The following GRM8 variants were observed in gnomAD, a reference collection of about 807,000 sequenced individuals.
The protein encoded by GRM8 is metabotropic glutamate receptor 8.
GRM8 carries 47 observed loss-of-function variants against 87.2 expected under a neutral mutation model. That is an observed-to-expected ratio of 0.54 (90% CI 0.43 to 0.69). The LOEUF is 0.69. GRM8 is among the 30% of genes least tolerant of loss of function. The probability of loss-of-function intolerance (pLI) is 0.00; values close to 1 mark genes in which losing one functional copy is unlikely to be tolerated. For missense variants in GRM8, 1,019 were observed against 1,139.2 expected (o/e 0.89, Z 1.52); for synonymous variants, 396 against 404.5 (o/e 0.98, Z 0.25).
chr7:126,878,315 C>G lies in GRM8; in HGVS notation c.1156+24227G>C, dbSNP rs184013644. Among the ~76,000 whole-genome samples the G allele has an allele frequency of 4.2e-4, 64 of 152,260 alleles. 1 individual carries two copies. The highest frequency in any genetic ancestry group is 1.4e-3 in the African/African-American group (58 of 41,554). On this transcript the variant is annotated intron_variant, in intron 6 of 10. Coordinates refer to ENST00000339582, the MANE Select transcript of GRM8 (RefSeq NM_000845.3). Reference sequence around the variant, plus strand: ...GGCAGCTCCATAGGAAATGTTATCTCCATTTCACAGAGGCTGAGAGAGTTC... The same window carrying G: ...GGCAGCTCCATAGGAAATGTTATCTGCATTTCACAGAGGCTGAGAGAGTTC...
chr7:126,509,102 G>T (rs1810933942), intron 9 of GRM8, among the ~76,000 whole-genome samples: 1 of 152,024 alleles, frequency 6.6e-6, no homozygotes, highest in South Asian at 2.1e-4. Context: ...ATGATGCCCA[G>T]AATAAATTTG....
chr7:126,757,880 A>G (rs1817190355), intron 7 of GRM8, among the ~76,000 whole-genome samples: 1 of 152,142 alleles, frequency 6.6e-6, no homozygotes, highest in African/African-American at 2.4e-5. Context: ...TTGAGGCCAG[A>G]TATATTCATA....
chr7:126,598,679 A>C (rs908123187), intron 8 of GRM8, among the ~76,000 whole-genome samples: 1 of 144,636 alleles, frequency 6.9e-6, no homozygotes, highest in Non-Finnish European at 1.5e-5. Flanking sequence ...AGAAAAAAAA[A>C]ATCTTAATTA....
At chr7:127,116,478 C>T (rs1252107428) in intron 2 of GRM8, among the ~76,000 whole-genome samples, 1 of 152,092 alleles carries the variant, frequency 6.6e-6, no homozygotes, top group Non-Finnish European at 1.5e-5. Flanking sequence ...GAACATATGA[C>T]CAAATGGAAA....
intron 6 of GRM8, among the ~76,000 whole-genome samples, chr7:126,773,528 G>A (rs1819082004): frequency 6.6e-6 from 1 of 152,116 alleles, no homozygotes; most frequent in African/African-American, 2.4e-5. Context: ...TTTAGTGCCA[G>A]TGCAACCTCA....
intron 2 of GRM8, among the ~76,000 whole-genome samples, chr7:127,165,210 G>C (rs964515013): frequency 1.6e-5 from 2 of 125,242 alleles, no homozygotes; most frequent in African/African-American, 5.8e-5. Flanking sequence ...TTCAACTAGT[G>C]CTAAATGCTA....
chr7:127,216,536 A>C (rs1317037798), intron 2 of GRM8, among the ~76,000 whole-genome samples: 2 of 134,806 alleles, frequency 1.5e-5, no homozygotes, highest in Middle Eastern at 3.5e-3. Context: ...AAAAAAAAAC[A>C]AAAAAAAAAA....
chr7:126,545,738 C>T (rs189827411), intron 8 of GRM8, among the ~76,000 whole-genome samples: 40 of 152,210 alleles, frequency 2.6e-4, no homozygotes, highest in Admixed American at 5.9e-4. Context: ...TCCTTCATTG[C>T]TAATAAGTAG....
intron 7 of GRM8, among the ~76,000 whole-genome samples, chr7:126,754,845 T>A (rs988504093): frequency 6.6e-6 from 1 of 152,000 alleles, no homozygotes; most frequent in Non-Finnish European, 1.5e-5. Context: ...ACATTTTGTG[T>A]CTGGAGGCTG....
intron 6 of GRM8, among the ~76,000 whole-genome samples, chr7:126,839,404 C>T (rs1563237348): frequency 3.3e-5 from 5 of 152,248 alleles, no homozygotes; most frequent in Admixed American, 2.6e-4. Context: ...AGAAGCAGTG[C>T]TTTGGGTAAA....
intron 9 of GRM8, among the ~76,000 whole-genome samples, chr7:126,494,472 T>G (rs1018152706): frequency 1.3e-5 from 2 of 152,046 alleles, no homozygotes; most frequent in Admixed American, 6.6e-5. Flanking sequence ...ATTCAAGTCT[T>G]GATGTTAATC....
In GRM8 at chr7:126,463,430, A is replaced by T. The variant is rs538075925; in HGVS notation, c.2431-17058T>A. Among the ~76,000 whole-genome samples the T allele has an allele frequency of 2.0e-5, 3 of 151,770 alleles. No homozygotes were observed. In the East Asian group the frequency reaches 5.8e-4, roughly 30 times the overall value. On this transcript the variant is annotated intron_variant, in intron 9 of 10. Coordinates refer to ENST00000339582, the MANE Select transcript of GRM8 (RefSeq NM_000845.3). The stretch of plus-strand genomic sequence containing the variant: ...GATGATTTCCATGGCTATGGCAGAA[A>T]AATGAAATTACAGTATCCTCAGATG...
intron 6 of GRM8, among the ~76,000 whole-genome samples, chr7:126,830,049 G>A (rs1360158728): frequency 6.6e-6 from 1 of 152,198 alleles, no homozygotes; most frequent in African/African-American, 2.4e-5. Flanking sequence ...CTTCTGGCTT[G>A]TAGAGTTTCT....
chr7:126,970,802 A>C (rs1036315996), intron 3 of GRM8, among the ~76,000 whole-genome samples: 3 of 152,092 alleles, frequency 2.0e-5, no homozygotes, highest in Non-Finnish European at 4.4e-5. Flanking sequence ...AGAGGTATGA[A>C]TCTTCCTTCC....
intron 3 of GRM8, among the ~76,000 whole-genome samples, chr7:127,103,931 C>A (rs1825568365): frequency 1.3e-5 from 2 of 152,176 alleles, no homozygotes; most frequent in South Asian, 4.1e-4. Flanking sequence ...CCACCATACA[C>A]TCATAAACTT....
intron 2 of GRM8, among the ~76,000 whole-genome samples, chr7:127,131,603 G>A (rs1243577452): frequency 6.6e-6 from 1 of 151,976 alleles, no homozygotes; most frequent in Admixed American, 6.6e-5. Context: ...ACTGGTTTAA[G>A]GTATCTCACA....
rs970704633 is a variant in GRM8, at chr7:126,629,373, C to A, written c.1358-19875G>T. Among the ~76,000 whole-genome samples the A allele has an allele frequency of 3.9e-5, 6 of 152,056 alleles. No homozygotes were observed. In the East Asian group the frequency reaches 5.8e-4, roughly 15 times the overall value. On this transcript the variant is annotated intron_variant, in intron 7 of 10. Transcript: ENST00000339582. ...TTGTACACTTTTTAAAGAGTAAAAT[C>A]AGGCAGAAAGTCACCTCTTCCCAGT...
chr7:127,152,410 C>T (rs373018968), intron 2 of GRM8, among the ~76,000 whole-genome samples: 1 of 151,978 alleles, frequency 6.6e-6, no homozygotes, highest in Admixed American at 6.6e-5. Flanking sequence ...GTGAAGGTAG[C>T]AAAGTGAGAA....
chr7:126,933,709 G>T (rs1805996457), intron 3 of GRM8, among the ~76,000 whole-genome samples: 1 of 152,168 alleles, frequency 6.6e-6, no homozygotes, highest in African/African-American at 2.4e-5. Flanking sequence ...ACCTCATAAT[G>T]TTATTGTAAA....
Sources: gnomAD v4.1 joint callset for allele counts (sites outside exome capture counted in the v4.1 genomes callset) on GRCh38, gnomAD v4.1.1 for gene constraint, MANE v1.5 for transcripts, NCBI Gene and HGNC (gene_info 2026-07-23, HGNC 2026-07-21) for gene names.